UBN2: variants seen among roughly 807,000 people sequenced by gnomAD.
UBN2 encodes the protein ubinuclein 2, also known as ubinuclein-2.
UBN2 carries 35 observed loss-of-function variants against 120.2 expected under a neutral mutation model. That is an observed-to-expected ratio of 0.29 (90% CI 0.22 to 0.39). The LOEUF (loss-of-function observed/expected upper bound fraction) is 0.39. Ranked by LOEUF, UBN2 falls within the 10% of genes least tolerant of loss-of-function variation. UBN2 has a pLI of 1.00. For missense variants in UBN2, 1,693 were observed against 1,663.2 expected (o/e 1.02, Z -0.31); for synonymous variants, 661 against 648.7 (o/e 1.02, Z -0.29).
In UBN2 at chr7:139,231,712, G is replaced by T. The variant is rs1421860328; in HGVS notation, c.228G>T (p.Glu76Asp). The change falls in exon 1 of 18, where the codon GAG (glutamate) becomes GAT (aspartate). Residue 76 changes from glutamate to aspartate, a missense_variant. Coordinates refer to ENST00000473989, the MANE Select transcript of UBN2 (RefSeq NM_173569.4). ...PSREKPLPQR[E>D]VSRAEPPMSL... Reference sequence around the variant, plus strand: ...GGGAGAAGCCGCTCCCCCAGCGCGAGGTCAGCCGCGCCGAGCCGCCCATGT... The same window carrying T: ...GGGAGAAGCCGCTCCCCCAGCGCGATGTCAGCCGCGCCGAGCCGCCCATGT... The T allele has an allele frequency of 6.8e-6, 8 of 1,179,704 alleles. No individual in the cohort carries two copies. The highest frequency in any genetic ancestry group is 3.2e-5 in the African/African-American group (2 of 61,838). 73.1% of individuals were successfully genotyped at this position (1,179,704 alleles called of 1,614,324 possible). A position where few individuals can be genotyped will look rare whatever the true frequency, so the allele number is the denominator to read the frequency against.
intron 8 of UBN2, among the ~76,000 whole-genome samples, chr7:139,271,356 G>A (rs1473984386): frequency 6.6e-6 from 1 of 152,112 alleles, no homozygotes; most frequent in Admixed American, 6.5e-5. Context: ...GGAGGCCGAG[G>A]CAGGCAGATC....
At chr7:139,310,301 G>A (rs532557535), downstream of UBN2, among the ~76,000 whole-genome samples, 2 of 137,036 alleles carry the variant, frequency 1.5e-5, no homozygotes, top group Admixed American at 1.5e-4. Context: ...GCAAGACCCT[G>A]TGTCTTTAAA....
rs1250245952 is a variant in UBN2 at position 139,283,105 on chromosome 7, G to A, written c.2200G>A (p.Ala734Thr). Residue 734 changes from alanine to threonine, a missense_variant, in exon 15 of 18, where the codon GCT becomes ACT. Physicochemically the swap from Ala to Thr is moderately conservative, Grantham distance 58. Coordinates refer to ENST00000473989, the MANE Select transcript of UBN2 (RefSeq NM_173569.4). The part of the protein sequence containing the change: ...VSGPPTSSST[A>T]AIAAASSSSA... ...CGGTCCTCCAACGAGCTCCAGCACA[G>A]CTGCCATTGCTGCAGCTAGCTCTAG... 1 of 1,613,038 alleles carries A rather than the reference G, an allele frequency of 6.2e-7. No homozygotes were observed. The highest frequency in any genetic ancestry group is 8.5e-7 in the Non-Finnish European group (1 of 1,179,914).
At chr7:139,319,444 C>T in the UBN2 span, among the ~76,000 whole-genome samples, 4 of 152,168 alleles carry the variant, frequency 2.6e-5, no homozygotes, top group African/African-American at 4.8e-5. Flanking sequence ...CTTTTGGCTG[C>T]CTGAGGCAAA....
Position 139,268,519 on chromosome 7 carries a change from C to T in UBN2, c.1467-875C>T, listed in dbSNP as rs577225070. Among the ~76,000 whole-genome samples the T allele has an allele frequency of 2.6e-5, 4 of 152,120 alleles. 1 individual carries two copies. The highest frequency in any genetic ancestry group is 9.7e-5 in the African/African-American group (4 of 41,416). On this transcript the variant is annotated intron_variant, in intron 7 of 17. Transcript: ENST00000473989. ...GATCAATTTGTTGGAATAGGGAACCCCCCCTTTTTTTCCTGATTGAATTTG... is the reference window on the plus strand; with the variant it reads ...GATCAATTTGTTGGAATAGGGAACCTCCCCTTTTTTTCCTGATTGAATTTG...
At chr7:139,315,020 T>G in the UBN2 span, among the ~76,000 whole-genome samples, 3 of 151,638 alleles carry the variant, frequency 2.0e-5, no homozygotes, top group Non-Finnish European at 2.9e-5. Context: ...CTGTCGCCCA[T>G]GCTGGAGTGC....
At chr7:139,256,511 G>C (rs1185144358) in intron 3 of UBN2, among the ~76,000 whole-genome samples, 1 of 152,148 alleles carries the variant, frequency 6.6e-6, no homozygotes, top group South Asian at 2.1e-4. Flanking sequence ...CATCTTTAAA[G>C]TGGGAGTAAT....
chr7:139,279,025 C>T (rs1797526379), intron 12 of UBN2, among the ~76,000 whole-genome samples: 1 of 151,854 alleles, frequency 6.6e-6, no homozygotes, highest in Non-Finnish European at 1.5e-5. Context: ...GCCTGCGGTT[C>T]CTTGAAGCTC....
Position 139,266,386 on chromosome 7 carries a change from G to A in UBN2, c.1449G>A (p.Met483Ile), listed in dbSNP as rs1189271142. The A allele has an allele frequency of 1.3e-6, 2 of 1,548,946 alleles. No homozygotes were observed. The highest frequency in any genetic ancestry group is 8.8e-7 in the Non-Finnish European group (1 of 1,135,630). The change falls in exon 7 of 18, where the codon ATG becomes ATA. Residue 483 changes from methionine to isoleucine, a missense_variant. Met to Ile is a conservative substitution (Grantham distance 10, BLOSUM62 1). Transcript: ENST00000473989. Reference protein sequence around the residue: ...EGRKKFFTQDMNNILLDIELQ... With the variant: ...EGRKKFFTQDINNILLDIELQ... ...GGAAAAAATTCTTTACACAGGATAT[G>A]AATAATATTCTTCTGGAGTAAGTAA...
In UBN2 at chr7:139,231,967, T is replaced by A; in HGVS notation, c.468+15T>A. On this transcript the variant is annotated intron_variant, in intron 1 of 17. Coordinates refer to ENST00000473989, the MANE Select transcript of UBN2 (RefSeq NM_173569.4). ...GAGAACAACGGGTACAGAAGATTCTTCCCTCCTGCCCCAGACCCCGGGAGC... is the reference window on the plus strand; with the variant it reads ...GAGAACAACGGGTACAGAAGATTCTACCCTCCTGCCCCAGACCCCGGGAGC... 6.4e-7 allele frequency: 1 copy of A among 1,572,790 alleles called. No homozygotes were observed. The highest frequency in any genetic ancestry group is 2.5e-5 in the East Asian group (1 of 40,568).
rs560200918 is a variant in UBN2 at position 139,263,548 on chromosome 7, C to T, written c.1395+1807C>T. Among the ~76,000 whole-genome samples, 135 of 151,976 alleles carry T rather than the reference C, an allele frequency of 8.9e-4. 1 individual carries two copies. Among genetic ancestry groups the T allele is most frequent in the Non-Finnish European group, 9.0e-4 (61 of 67,946 alleles). On this transcript the variant is annotated intron_variant, in intron 6 of 17. Coordinates refer to ENST00000473989, the MANE Select transcript of UBN2 (RefSeq NM_173569.4). ...CAGCACTTTGGGAGGCCGAGGTGGGCGGATCACCTGAGGTCGGGAGTTTGA... is the reference window on the plus strand; with the variant it reads ...CAGCACTTTGGGAGGCCGAGGTGGGTGGATCACCTGAGGTCGGGAGTTTGA...
Position 139,261,390 on chromosome 7 carries a change from G to C in UBN2, c.1044G>C (p.Val348=), listed in dbSNP as rs1796928323. Residue 348 remains valine (V), a synonymous_variant, in exon 6 of 18, where the codon GTG becomes GTC. Transcript: ENST00000473989. ...LKKESNPKVP[V]TLSTPSLNKP... ...AGGAGTCTAACCCCAAAGTCCCAGT[G>C]ACCTTGTCAACCCCTTCTCTGAATA... The C allele has an allele frequency of 6.2e-7, 1 of 1,614,166 alleles. No individual in the cohort carries two copies. Among genetic ancestry groups the C allele is most frequent in the African/African-American group, 1.3e-5 (1 of 75,040 alleles).
chr7:139,317,068 G>T, the UBN2 span, among the ~76,000 whole-genome samples: 1 of 151,108 alleles, frequency 6.6e-6, no homozygotes, highest in Non-Finnish European at 1.5e-5. Context: ...GAGTAGCTAG[G>T]ACTACAGGCC....
chr7:139,269,365 T>C (rs375796615), intron 7 of UBN2, 29 bp from the exon 8 acceptor site: 63 of 1,608,916 alleles, frequency 3.9e-5, no homozygotes, highest in Non-Finnish European at 5.3e-5. Context: ...AATTCTATAC[T>C]GTTCATTGTT....
rs1318399440 is a variant in UBN2 at position 139,231,812 on chromosome 7, C to A, written c.328C>A (p.Arg110=). Residue 110 remains arginine, a synonymous_variant, in exon 1 of 18, where the codon CGG becomes AGG. Transcript: ENST00000473989. The part of the protein sequence containing the change: ...PPLPLQPPPP[R]ESASRAEQPP... Reference sequence around the variant, plus strand: ...GCTGCCCTTGCAGCCGCCCCCGCCGCGGGAGTCGGCTTCCCGGGCTGAGCA... The same window carrying A: ...GCTGCCCTTGCAGCCGCCCCCGCCGAGGGAGTCGGCTTCCCGGGCTGAGCA... 29 of 1,450,940 alleles carry A rather than the reference C, an allele frequency of 2.0e-5. No homozygotes were observed. Among genetic ancestry groups the A allele is most frequent in the Non-Finnish European group, 2.5e-5 (28 of 1,102,824 alleles). 89.9% of individuals were successfully genotyped at this position (1,450,940 alleles called of 1,614,324 possible). A position where few individuals can be genotyped will look rare whatever the true frequency, so the allele number is the denominator to read the frequency against.
intron 6 of UBN2, among the ~76,000 whole-genome samples, 169 bp downstream of exon 6, chr7:139,261,910 T>A (rs1796947365): frequency 6.6e-6 from 1 of 151,768 alleles, no homozygotes; most frequent in African/African-American, 2.4e-5. Flanking sequence ...TTATTTGCCA[T>A]GTTTCCTTTT....
chr7:139,260,416 A>G (rs1796896090), intron 5 of UBN2, among the ~76,000 whole-genome samples: 1 of 152,200 alleles, frequency 6.6e-6, no homozygotes, highest in Non-Finnish European at 1.5e-5. Context: ...GCTATTATTA[A>G]TGATATTGCT....
At chr7:139,268,389 C>T (rs997018098) in intron 7 of UBN2, among the ~76,000 whole-genome samples, 2 of 151,940 alleles carry the variant, frequency 1.3e-5, no homozygotes, top group Non-Finnish European at 2.9e-5. Flanking sequence ...AGTTGCCCTT[C>T]TAAGAGAATA....
At chr7:139,258,833 C>T (rs1289665402) in intron 4 of UBN2, among the ~76,000 whole-genome samples, 2 of 151,972 alleles carry the variant, frequency 1.3e-5, no homozygotes, top group East Asian at 3.9e-4. Context: ...CTTATAAAAA[C>T]TTCTCTCTAC....
Sources: gnomAD v4.1 joint callset for allele counts (sites outside exome capture counted in the v4.1 genomes callset) on GRCh38, gnomAD v4.1.1 for gene constraint, MANE v1.5 for transcripts, NCBI Gene and HGNC (gene_info 2026-07-23, HGNC 2026-07-21) for gene names.